The following MID1 variants were observed in gnomAD, a reference collection of about 807,000 sequenced individuals.
MID1 encodes the protein midline 1.
A neutral mutation model predicts 40.4 loss-of-function variants in MID1; 7 were observed. The observed-to-expected ratio is 0.17, with a 90% confidence interval of 0.10 to 0.33. MID1 has a LOEUF of 0.33. Ranked by LOEUF, MID1 falls within the 10% of genes least tolerant of loss-of-function variation. The probability of loss-of-function intolerance (pLI) is 1.00; values close to 1 mark genes in which losing one functional copy is unlikely to be tolerated. For missense variants in MID1, 367 were observed against 558.5 expected, an observed-to-expected ratio of 0.66 and a Z score of 3.46; for synonymous variants, 229 against 221.2, an observed-to-expected ratio of 1.04 and a Z score of -0.31.
At chrX:10,463,848 T>G (rs1029359020) in intron 7 of MID1, among the ~76,000 whole-genome samples, 4 of 112,749 alleles carry the variant, frequency 3.5e-5, no homozygotes, top group Non-Finnish European at 7.5e-5. Context: ...AGGTCTCCTT[T>G]GGTCACTACA....
intron 3 of MID1, 112 bp from the exon 4 acceptor site, chrX:10,495,803 T>A (rs891066740): frequency 4.2e-5 from 24 of 573,393 alleles, no homozygotes; most frequent in Admixed American, 3.5e-4. Flanking sequence ...ATATTTTAAA[T>A]GTTAACTCTT....
intron 1 of MID1, among the ~76,000 whole-genome samples, chrX:10,702,549 C>T (rs2043199274): frequency 8.9e-6 from 1 of 112,296 alleles, no homozygotes; most frequent in African/African-American, 3.2e-5. Context: ...TCTTTAATTA[C>T]ACATCCTTAT....
At chrX:10,712,328 G>A in intron 1 of MID1, among the ~76,000 whole-genome samples, 1 of 111,294 alleles carries the variant, frequency 9.0e-6, no homozygotes, top group Non-Finnish European at 1.9e-5. Flanking sequence ...CAGGAGTTGG[G>A]CAAGTGGGTT....
chrX:10,718,682 C>T (rs2043324229), intron 1 of MID1, among the ~76,000 whole-genome samples: 1 of 111,753 alleles, frequency 8.9e-6, no homozygotes, highest in Non-Finnish European at 1.9e-5. Context: ...AGGGAATCCT[C>T]CCTAACTCAT....
intron 1 of MID1, among the ~76,000 whole-genome samples, chrX:10,809,047 C>T (rs1168007939): frequency 8.9e-6 from 1 of 111,804 alleles, no homozygotes; most frequent in Admixed American, 9.5e-5. Context: ...GGGCTAATAT[C>T]CAGAATCTAC....
intron 1 of MID1, among the ~76,000 whole-genome samples, chrX:10,706,431 C>T (rs1392971766): frequency 9.0e-6 from 1 of 110,617 alleles, no homozygotes; most frequent in Non-Finnish European, 1.9e-5. Flanking sequence ...ATGGGAGGGA[C>T]CTGGTGGGAG....
At chrX:10,716,568 T>C (rs1042309809) in intron 1 of MID1, among the ~76,000 whole-genome samples, 14 of 111,916 alleles carry the variant, frequency 1.3e-4, no homozygotes, top group African/African-American at 4.5e-4. Context: ...CTACATCTGA[T>C]TGGTGTACCT....
At chrX:10,806,069 T>G (rs911026530) in intron 1 of MID1, among the ~76,000 whole-genome samples, 137 of 106,514 alleles carry the variant, frequency 1.3e-3, no homozygotes, top group African/African-American at 4.4e-3. Context: ...AGAAGCTCTT[T>G]AGTTTAATTA....
At chrX:10,771,804 C>T (rs372206717) in intron 1 of MID1, among the ~76,000 whole-genome samples, 3 of 109,244 alleles carry the variant, frequency 2.7e-5, no homozygotes, top group East Asian at 5.7e-4. Flanking sequence ...CCACCGCGCC[C>T]GGCCACATTT....
chrX:10,734,819 A>G (rs2043476460), intron 1 of MID1, among the ~76,000 whole-genome samples: 1 of 111,997 alleles, frequency 8.9e-6, no homozygotes, highest in African/African-American at 3.2e-5. Flanking sequence ...GTACATGGGC[A>G]TATGCATTCT....
chrX:10,457,550 T>A (rs1454145894), intron 8 of MID1, among the ~76,000 whole-genome samples: 1 of 112,411 alleles, frequency 8.9e-6, no homozygotes, highest in Admixed American at 9.4e-5. Context: ...ACTCTTTCAA[T>A]AATCTTTTGA....
At chrX:10,681,011 G>A (rs1366910739) in intron 1 of MID1, among the ~76,000 whole-genome samples, 2 of 99,128 alleles carry the variant, frequency 2.0e-5, no homozygotes, top group African/African-American at 3.7e-5. Context: ...AGGTGACAGA[G>A]CCAGACCCTG....
intron 1 of MID1, among the ~76,000 whole-genome samples, chrX:10,746,721 T>C (rs1440618799): frequency 9.0e-6 from 1 of 110,567 alleles, no homozygotes; most frequent in African/African-American, 3.3e-5. Context: ...TTATGCCCAG[T>C]GGTTTAGAAA....
intron 3 of MID1, among the ~76,000 whole-genome samples, chrX:10,501,202 G>A (rs186988182): frequency 9.0e-6 from 1 of 111,232 alleles, no homozygotes; most frequent in African/African-American, 3.3e-5. Flanking sequence ...CCAGCTAATC[G>A]GGAGGCAGAG....
chrX:10,812,338 C>T (rs2044107916), intron 1 of MID1, among the ~76,000 whole-genome samples: 1 of 111,337 alleles, frequency 9.0e-6, no homozygotes, highest in South Asian at 3.8e-4. Flanking sequence ...GGTTGATAGG[C>T]TGCCACATAT....
chrX:10,656,768 A>G (rs753135342), intron 1 of MID1, among the ~76,000 whole-genome samples: 1 of 110,414 alleles, frequency 9.1e-6, no homozygotes, highest in African/African-American at 3.3e-5. Flanking sequence ...TTTTTTTTAA[A>G]AAAAAAAACA....
intron 1 of MID1, among the ~76,000 whole-genome samples, chrX:10,615,639 A>G (rs920539661): frequency 4.5e-5 from 5 of 111,238 alleles, no homozygotes; most frequent in Admixed American, 9.6e-5. Context: ...CTATCACCTG[A>G]CCTCCTGGAG....
chrX:10,766,429 G>A (rs774909945), intron 1 of MID1, among the ~76,000 whole-genome samples: 1 of 111,774 alleles, frequency 8.9e-6, no homozygotes, highest in Non-Finnish European at 1.9e-5. Flanking sequence ...CCAAGGATCC[G>A]GCTGATGTGG....
intron 1 of MID1, among the ~76,000 whole-genome samples, chrX:10,678,390 A>T (rs1362713797): frequency 8.9e-6 from 1 of 112,110 alleles, no homozygotes; most frequent in East Asian, 2.8e-4. Context: ...AATTTTGGAT[A>T]CAAACTTACT....
Sources: gnomAD v4.1 joint callset for allele counts (sites outside exome capture counted in the v4.1 genomes callset) on GRCh38, gnomAD v4.1.1 for gene constraint, MANE v1.5 for transcripts, NCBI Gene and HGNC (gene_info 2026-07-23, HGNC 2026-07-21) for gene names.